ZEB2: variants seen among roughly 807,000 people sequenced by gnomAD.
ZEB2 encodes zinc finger E-box-binding homeobox 2.
A neutral mutation model predicts 99.9 loss-of-function variants in ZEB2; 6 were observed. The observed-to-expected ratio is 0.06, with a 90% CI of 0.03 to 0.12. The LOEUF (loss-of-function observed/expected upper bound fraction) is 0.12. Ranked by LOEUF, ZEB2 falls within the 10% of genes least tolerant of loss-of-function variation. ZEB2 has a pLI of 1.00. For missense variants in ZEB2, 969 were observed against 1,502.8 expected, an observed-to-expected ratio of 0.64 and a Z score of 5.87; for synonymous variants, 517 against 542.5, an observed-to-expected ratio of 0.95 and a Z score of 0.65.
At chr2:144,518,751 G>A (rs1373759214) in intron 1 of ZEB2, 2 of 152,170 alleles carry the variant, frequency 1.3e-5, no homozygotes, top group Admixed American at 1.3e-4. Flanking sequence ...GAAATTGTTA[G>A]GGGAAATCCT....
intron 2 of ZEB2, among the ~76,000 whole-genome samples, chr2:144,485,864 C>G (rs1004204733): frequency 6.6e-6 from 1 of 152,148 alleles, no homozygotes; most frequent in Non-Finnish European, 1.5e-5. Context: ...GGCAATCCAC[C>G]TGTCTCGGCC....
intron 2 of ZEB2, among the ~76,000 whole-genome samples, chr2:144,469,287 G>C (rs928436281): frequency 7.2e-5 from 11 of 152,056 alleles, no homozygotes; most frequent in African/African-American, 2.7e-4. Flanking sequence ...TTCAGTTCTT[G>C]GTTTAGTCAC....
chr2:144,423,590 C>T (rs909862631), intron 4 of ZEB2, among the ~76,000 whole-genome samples: 1 of 152,110 alleles, frequency 6.6e-6, no homozygotes, highest in South Asian at 2.1e-4. Context: ...ATTGTCAGGG[C>T]TGTGTGTAAA....
At chr2:144,459,014 T>C (rs944875418) in intron 2 of ZEB2, among the ~76,000 whole-genome samples, 1 of 152,182 alleles carries the variant, frequency 6.6e-6, no homozygotes, top group Non-Finnish European at 1.5e-5. Flanking sequence ...GCCTGCTGTT[T>C]ATAATAAATG....
Position 144,400,266 on chromosome 2 carries a change from T to C in ZEB2, c.921A>G (p.Glu307=), listed in dbSNP as rs189315299. 2 of 1,608,800 alleles carry C rather than the reference T, an allele frequency of 1.2e-6. No homozygotes were observed. The highest frequency in any genetic ancestry group is 2.2e-5 in the East Asian group (1 of 44,888). ...LKEHLRIHSG[E]KPYECPNCKK... is the part of the protein sequence containing the mutation. ...TGCAGTTTGGGCACTCGTAAGGTTT[T>C]TCACCTAAAATGATAATTAAAATTA... The change falls in exon 8 of 10, where the codon GAA becomes GAG. Residue 307 remains glutamate (E), a synonymous_variant. Transcript: ENST00000627532.
intron 4 of ZEB2, among the ~76,000 whole-genome samples, chr2:144,423,915 A>AT (rs111720576): frequency 7.8e-4 from 117 of 149,498 alleles, no homozygotes; most frequent in East Asian, 5.9e-3. Context: ...AAGTAGTTAC[A>AT]TTTTTTTTTT....
chr2:144,474,650 G>A (rs1047799998), intron 2 of ZEB2, among the ~76,000 whole-genome samples: 3 of 152,104 alleles, frequency 2.0e-5, no homozygotes, highest in African/African-American at 7.2e-5. Context: ...TTCTGATCTG[G>A]TTATAGGCAC....
chr2:144,446,028 G>A (rs570504806), intron 2 of ZEB2, among the ~76,000 whole-genome samples: 1 of 152,210 alleles, frequency 6.6e-6, no homozygotes, highest in Admixed American at 6.5e-5. Flanking sequence ...TCTACCTGCA[G>A]TGCCGTCTCC....
chr2:144,444,342 A>C (rs1703956209), intron 2 of ZEB2, among the ~76,000 whole-genome samples: 1 of 152,254 alleles, frequency 6.6e-6, no homozygotes. Flanking sequence ...GTACCAAAAG[A>C]AATTATTCAA....
At chr2:144,461,175 C>T (rs2149904167) in intron 2 of ZEB2, 1 of 151,224 alleles carries the variant, frequency 6.6e-6, no homozygotes, top group Non-Finnish European at 1.5e-5. Flanking sequence ...TGTGAGTCCC[C>T]ATGTAAATTG....
chr2:144,500,736 C>T (rs1704855791), intron 2 of ZEB2, among the ~76,000 whole-genome samples: 1 of 152,162 alleles, frequency 6.6e-6, no homozygotes, highest in Non-Finnish European at 1.5e-5. Flanking sequence ...ATGAATTACT[C>T]TGTACTAGGC....
intron 2 of ZEB2, 79 bp downstream of exon 2, chr2:144,517,199 T>A (rs1705168072): frequency 6.3e-7 from 1 of 1,585,898 alleles, no homozygotes; most frequent in Non-Finnish European, 8.6e-7. Flanking sequence ...CCTCGGTTCC[T>A]TTTCCCTTTC....
chr2:144,396,913 T>C (rs1703237289), intron 8 of ZEB2, among the ~76,000 whole-genome samples: 1 of 152,182 alleles, frequency 6.6e-6, no homozygotes, highest in Admixed American at 6.5e-5. Flanking sequence ...TACCCATAAG[T>C]GAAAATTTAA....
intron 2 of ZEB2, among the ~76,000 whole-genome samples, chr2:144,458,513 T>A (rs938517969): frequency 3.9e-5 from 6 of 152,114 alleles, no homozygotes; most frequent in African/African-American, 1.2e-4. Context: ...ATATACTGGA[T>A]ATTATGAAGC....
intron 2 of ZEB2, chr2:144,482,050 A>AT (rs1704520872): frequency 6.6e-6 from 1 of 152,192 alleles, no homozygotes. Flanking sequence ...AGAATGCCTC[A>AT]TTCCTTTCAA....
chr2:144,392,501 A>G (rs1281043972), intron 9 of ZEB2, among the ~76,000 whole-genome samples: 2 of 152,236 alleles, frequency 1.3e-5, no homozygotes, highest in African/African-American at 4.8e-5. Flanking sequence ...TATGCTTATA[A>G]TACGCATATA....
chr2:144,388,872 A>G lies in ZEB2; in HGVS notation c.*579T>C. ...GGTATCTTAAATTCACACATGCATCACTTCAAGTTCCTTCACAGAAAAAAA... is the reference window on the plus strand; with the variant it reads ...GGTATCTTAAATTCACACATGCATCGCTTCAAGTTCCTTCACAGAAAAAAA... On this transcript the variant is annotated 3_prime_UTR_variant, in exon 10 of 10. Transcript: ENST00000627532. This position sits in a 1 kb window ranked among gnomAD's most constrained non-coding sequence, Gnocchi z 5.4. 1 of 459,616 alleles carries G rather than the reference A, an allele frequency of 2.2e-6. No homozygotes were observed. The highest frequency in any genetic ancestry group is 7.1e-5 in the East Asian group (1 of 14,062). The allele number at this position is 459,616 out of a possible 1,614,324, so 28.5% of individuals were successfully genotyped here.
At chr2:144,427,308 C>T (rs997974266) in intron 3 of ZEB2, 1 of 152,206 alleles carries the variant, frequency 6.6e-6, no homozygotes, top group Non-Finnish European at 1.5e-5. Context: ...AAACACAAAA[C>T]TTTGATTGTG....
intron 2 of ZEB2, chr2:144,513,660 G>T: frequency 2.6e-6 from 4 of 1,534,786 alleles, no homozygotes; most frequent in Non-Finnish European, 3.5e-6. Flanking sequence ...GAGGCAGGAG[G>T]GAAGCAGGAG....
Sources: gnomAD v4.1 joint callset for allele counts (sites outside exome capture counted in the v4.1 genomes callset) on GRCh38, gnomAD v4.1.1 for gene constraint, Gnocchi (gnomAD v3.1) non-coding constraint, MANE v1.5 for transcripts, NCBI Gene and HGNC (gene_info 2026-07-23, HGNC 2026-07-21) for gene names.